FCHSD2: variants seen among roughly 807,000 people sequenced by gnomAD.
FCHSD2 encodes the protein FCH and double SH3 domains 2, also known as F-BAR and double SH3 domains protein 2.
FCHSD2 carries 38 observed loss-of-function variants against 108.1 expected under a neutral mutation model. That is an observed-to-expected ratio of 0.35 (90% CI 0.27 to 0.46). The LOEUF (loss-of-function observed/expected upper bound fraction) is 0.46, where lower values mean the gene tolerates loss of function less well. Ranked by LOEUF, FCHSD2 falls within the 20% of genes least tolerant of loss-of-function variation. FCHSD2 has a pLI of 1.00. For synonymous variants in FCHSD2, 279 were observed against 314.7 expected, an observed-to-expected ratio of 0.89 and a Z score of 1.20; for missense variants, 751 against 897.8, an observed-to-expected ratio of 0.84 and a Z score of 2.09.
intron 12 of FCHSD2, among the ~76,000 whole-genome samples, chr11:72,886,622 C>T (rs1453795861): frequency 6.6e-6 from 1 of 152,178 alleles, no homozygotes; most frequent in African/African-American, 2.4e-5. Flanking sequence ...TACCCCTTCA[C>T]CACATTGCTG....
chr11:73,096,622 A>G (rs1024960387), intron 2 of FCHSD2, among the ~76,000 whole-genome samples: 1 of 152,140 alleles, frequency 6.6e-6, no homozygotes, highest in African/African-American at 2.4e-5. Context: ...AATGTCAAAC[A>G]CAAGAGAATA....
At chr11:73,093,977 G>A (rs372299821) in intron 2 of FCHSD2, among the ~76,000 whole-genome samples, 81 of 152,128 alleles carry the variant, frequency 5.3e-4, no homozygotes, top group African/African-American at 1.8e-3. Flanking sequence ...TTGGAAGGCC[G>A]AGTCAGGCGG....
chr11:72,842,957 T>A (rs1861007392), intron 16 of FCHSD2, 116 bp from the exon 17 acceptor site: 2 of 947,602 alleles, frequency 2.1e-6, no homozygotes, highest in Non-Finnish European at 3.1e-6. Context: ...GGATTAAAGT[T>A]GTAATTTTTT....
chr11:72,985,309 T>C lies in FCHSD2; in HGVS notation c.522-193A>G, dbSNP rs957868266. ...CTACAGGAAGAATTTATTATCATGG[T>C]AAAACAGGAAATACTGGGATTAATA... On this transcript the variant is annotated intron_variant, in intron 6 of 19. Coordinates refer to ENST00000409418, the MANE Select transcript of FCHSD2 (RefSeq NM_014824.3). 2.0e-4 allele frequency among the ~76,000 whole-genome samples: 17 copies of C among 85,598 alleles called. No individual in the cohort carries two copies. In the South Asian group the frequency reaches 5.4e-3, roughly 27 times the overall value. 56.2% of individuals were successfully genotyped at this position (85,598 alleles called of 152,430 possible).
In FCHSD2 at chr11:72,930,847, A is replaced by G. The variant is rs1012523483; in HGVS notation, c.706-8897T>C. 2.0e-5 allele frequency among the ~76,000 whole-genome samples: 3 copies of G among 152,172 alleles called. No individual in the cohort carries two copies. The East Asian group carries it at 5.8e-4, about 29-fold the overall frequency. On this transcript the variant is annotated intron_variant, in intron 8 of 19. Transcript: ENST00000409418. ...GAGGTAGGGATGGCTAATGGGTACA[A>G]AAAAATAGAATAAGACCTACTATTT...
chr11:72,940,745 AGCCTGTTCATCATGGTGTTAAT>A (rs2135341332), intron 8 of FCHSD2: 1 of 861,928 alleles, frequency 1.2e-6, no homozygotes, highest in Admixed American at 1.7e-5. Context: ...ACTAATGGCA[AGCCTGTTCATCATGGTGTTAAT>A]CAGCTAAAGT....
At chr11:73,090,608 C>T (rs1859934101) in intron 2 of FCHSD2, among the ~76,000 whole-genome samples, 3 of 152,154 alleles carry the variant, frequency 2.0e-5, no homozygotes, top group African/African-American at 4.8e-5. Context: ...TTAGAAATCA[C>T]TGTGACAGAA....
intron 8 of FCHSD2, among the ~76,000 whole-genome samples, chr11:72,929,548 C>G (rs191274601): frequency 1.5e-3 from 232 of 152,260 alleles, no homozygotes; most frequent in Admixed American, 3.9e-3. Flanking sequence ...TGGATGATAA[C>G]CCTATGATTT....
intron 3 of FCHSD2, among the ~76,000 whole-genome samples, chr11:73,065,967 T>C (rs567600269): frequency 2.6e-5 from 4 of 152,312 alleles, no homozygotes; most frequent in South Asian, 4.1e-4. Flanking sequence ...CCCATCAAGC[T>C]ACCACTGACT....
At chr11:72,878,286 T>C (rs988229610) in intron 12 of FCHSD2, among the ~76,000 whole-genome samples, 2 of 152,088 alleles carry the variant, frequency 1.3e-5, no homozygotes, top group East Asian at 3.8e-4. Flanking sequence ...TGAGACCCTG[T>C]CTCTAAAAAT....
intron 10 of FCHSD2, among the ~76,000 whole-genome samples, chr11:72,890,675 T>C (rs1855295883): frequency 6.6e-6 from 1 of 151,876 alleles, no homozygotes; most frequent in Non-Finnish European, 1.5e-5. Context: ...CATATAACTT[T>C]TTTTTTTTTT....
intron 8 of FCHSD2, among the ~76,000 whole-genome samples, chr11:72,935,886 TTG>T (rs138227849): frequency 0.015 from 2,309 of 152,334 alleles, 32 homozygotes; most frequent in Middle Eastern, 0.037. Context: ...TCTATAAAGC[TTG>T]TGTTATCCTC....
chr11:73,122,111 T>G (rs1860747473), intron 2 of FCHSD2, among the ~76,000 whole-genome samples: 1 of 152,058 alleles, frequency 6.6e-6, no homozygotes. Context: ...TTTAGGATAG[T>G]GGGGTTTTCT....
chr11:73,071,596 G>A (rs959327763), intron 3 of FCHSD2, among the ~76,000 whole-genome samples: 9 of 152,042 alleles, frequency 5.9e-5, no homozygotes, highest in African/African-American at 2.2e-4. Flanking sequence ...AACTACTCGG[G>A]GGGCTGAGGC....
intron 9 of FCHSD2, among the ~76,000 whole-genome samples, chr11:72,920,740 T>A (rs1855962046): frequency 6.6e-6 from 1 of 152,250 alleles, no homozygotes; most frequent in Non-Finnish European, 1.5e-5. Flanking sequence ...TAAATACTTA[T>A]ATACATACTA....
At chr11:72,948,215 C>T (rs1404276874) in intron 8 of FCHSD2, among the ~76,000 whole-genome samples, 1 of 152,160 alleles carries the variant, frequency 6.6e-6, no homozygotes, top group Non-Finnish European at 1.5e-5. Flanking sequence ...GCCATGTTGG[C>T]CAGGCTGGTC....
intron 19 of FCHSD2, 124 bp downstream of exon 19, chr11:72,840,753 A>T: frequency 1.5e-6 from 1 of 687,942 alleles, no homozygotes; most frequent in East Asian, 3.0e-5. Context: ...TTACCTTCCC[A>T]AACCCAGTTC....
intron 2 of FCHSD2, among the ~76,000 whole-genome samples, chr11:73,137,995 T>C (rs1259258918): frequency 6.6e-6 from 1 of 152,188 alleles, no homozygotes; most frequent in African/African-American, 2.4e-5. Flanking sequence ...GGAAGACATA[T>C]TTAAAAGAAG....
At chr11:73,007,819 A>G (rs1325832758) in intron 4 of FCHSD2, among the ~76,000 whole-genome samples, 1 of 152,238 alleles carries the variant, frequency 6.6e-6, no homozygotes, top group African/African-American at 2.4e-5. Context: ...CTGTATCAGT[A>G]TCAATTTCTT....
Sources: allele counts gnomAD v4.1 joint callset (sites outside exome capture counted in the v4.1 genomes callset), GRCh38; gene constraint gnomAD v4.1.1; transcripts MANE v1.5; gene names NCBI Gene and HGNC (gene_info 2026-07-23, HGNC 2026-07-21).